CDIN1: variants seen among roughly 807,000 people sequenced by gnomAD.
The protein encoded by CDIN1 is CDAN1-interacting nuclease 1.
Under a neutral mutation model 45.3 loss-of-function variants are expected in CDIN1, and 33 were observed. The ratio of observed to expected loss-of-function variants is 0.73; its 90% confidence interval spans 0.55 to 0.97. The LOEUF is 0.97. Ranked by LOEUF, CDIN1 falls within the 50% of genes least tolerant of loss-of-function variation. CDIN1 has a pLI of 0.00. For synonymous variants in CDIN1, 118 were observed against 124.4 expected (o/e 0.95, Z 0.34); for missense variants, 303 against 339.4 (o/e 0.89, Z 0.84).
chr15:36,688,329 G>C (rs2042131594), intron 5 of CDIN1, among the ~76,000 whole-genome samples: 1 of 151,984 alleles, frequency 6.6e-6, no homozygotes, highest in Non-Finnish European at 1.5e-5. Context: ...AGTTAGGTCA[G>C]GGTGGTGAGT....
intron 1 of CDIN1, among the ~76,000 whole-genome samples, chr15:36,588,899 T>G (rs2037434168): frequency 6.6e-6 from 1 of 152,200 alleles, no homozygotes; most frequent in South Asian, 2.1e-4. Context: ...CAGATAATGT[T>G]ATTCTAAGAA....
At chr15:36,708,219 G>T (rs1050894271) in intron 8 of CDIN1, 1 of 152,102 alleles carries the variant, frequency 6.6e-6, no homozygotes, top group Non-Finnish European at 1.5e-5. Flanking sequence ...TTAATCAAAG[G>T]TGATGCAGGA....
intron 1 of CDIN1, among the ~76,000 whole-genome samples, chr15:36,583,604 T>C (rs2037147149): frequency 6.6e-6 from 1 of 152,230 alleles, no homozygotes; most frequent in Admixed American, 6.5e-5. Context: ...CTTTGGAGAC[T>C]GCAACTTTAA....
At chr15:36,685,633 T>C (rs1354592145) in intron 5 of CDIN1, among the ~76,000 whole-genome samples, 2 of 152,100 alleles carry the variant, frequency 1.3e-5, no homozygotes, top group African/African-American at 2.4e-5. Context: ...ACCTACAAAA[T>C]GGGAGAAAAT....
intron 8 of CDIN1, among the ~76,000 whole-genome samples, chr15:36,704,086 T>C (rs906314692): frequency 3.9e-5 from 6 of 152,202 alleles, no homozygotes; most frequent in African/African-American, 9.7e-5. Context: ...GTATAAAATA[T>C]AGGAGAATTT....
At chr15:36,747,160 C>T (rs1690566709) in intron 10 of CDIN1, 1 of 393,224 alleles carries the variant, frequency 2.5e-6, no homozygotes. Context: ...GCATGTGTTT[C>T]CTCATCTTAA....
intron 3 of CDIN1, among the ~76,000 whole-genome samples, chr15:36,645,774 A>G (rs2044230369): frequency 6.6e-6 from 1 of 152,180 alleles, no homozygotes. Context: ...AAATGAAAAA[A>G]GATGTATCAA....
At chr15:36,735,144 T>C (rs1037259481) in intron 10 of CDIN1, among the ~76,000 whole-genome samples, 10 of 152,190 alleles carry the variant, frequency 6.6e-5, no homozygotes, top group African/African-American at 2.4e-4. Context: ...GTAGGAAAAA[T>C]AATGCCTCTG....
At chr15:36,716,215 A>G (rs1014172614) in intron 10 of CDIN1, among the ~76,000 whole-genome samples, 4 of 152,174 alleles carry the variant, frequency 2.6e-5, no homozygotes, top group African/African-American at 9.6e-5. Flanking sequence ...AGTTTCACAA[A>G]TCCAGGGGAC....
chr15:36,659,966 CTTTTTTTTTTTT>C (rs778988517), intron 5 of CDIN1, among the ~76,000 whole-genome samples: 10 of 105,152 alleles, frequency 9.5e-5, no homozygotes, highest in African/African-American at 3.6e-4. Context: ...CCTTCCTTTT[CTTTTTTTTTTTT>C]TTTTTTCTTA....
intron 10 of CDIN1, among the ~76,000 whole-genome samples, chr15:36,741,077 T>C (rs1380201406): frequency 6.6e-6 from 1 of 152,144 alleles, no homozygotes; most frequent in African/African-American, 2.4e-5. Context: ...GCTGAGAATA[T>C]AGGTGTGGAC....
intron 10 of CDIN1, among the ~76,000 whole-genome samples, chr15:36,766,945 G>C (rs2053940223): frequency 6.6e-6 from 1 of 152,134 alleles, no homozygotes; most frequent in African/African-American, 2.4e-5. Context: ...GTTTGACGTA[G>C]TCTCAAGTGT....
chr15:36,788,094 ATATATATATATATTTTTTT>A (rs563195574), intron 10 of CDIN1, among the ~76,000 whole-genome samples: 595 of 37,466 alleles, frequency 0.016, 2 homozygotes, highest in African/African-American at 0.049. Context: ...ATATATATAT[ATATATATATATATTTTTTT>A]TTTTTTTTTT....
At chr15:36,620,832 G>A (rs1206018083) in intron 1 of CDIN1, among the ~76,000 whole-genome samples, 1 of 152,034 alleles carries the variant, frequency 6.6e-6, no homozygotes, top group South Asian at 2.1e-4. Flanking sequence ...TGTTTACAGT[G>A]TATTTATCAC....
Position 36,619,493 on chromosome 15 carries a change from A to G in CDIN1, c.102-24785A>G, listed in dbSNP as rs1331672939. ...TTTCTATCTATCTATCTATCTATCT[A>G]TCTATCTATCTATCTATCTATCTAT... On this transcript the variant is annotated intron_variant, in intron 1 of 10. Transcript: ENST00000566621. Among the ~76,000 whole-genome samples, 6 of 151,822 alleles carry G rather than the reference A, an allele frequency of 4.0e-5. 1 individual carries two copies. Among genetic ancestry groups the G allele is most frequent in the Admixed American group, 3.3e-4 (5 of 15,246 alleles).
At chr15:36,796,694 A>G (rs2054812079) in intron 10 of CDIN1, among the ~76,000 whole-genome samples, 1 of 152,192 alleles carries the variant, frequency 6.6e-6, no homozygotes, top group Non-Finnish European at 1.5e-5. Flanking sequence ...CCCTGTCGGG[A>G]ACCATCCTCT....
intron 8 of CDIN1, among the ~76,000 whole-genome samples, chr15:36,702,532 C>T (rs2042682411): frequency 6.6e-6 from 1 of 152,140 alleles, no homozygotes; most frequent in African/African-American, 2.4e-5. Flanking sequence ...CACCACTGCT[C>T]TTGGTAGTTA....
At position 36,637,418 on chromosome 15, in the gene CDIN1, A is replaced by G. The variant is rs76257957; in HGVS notation, c.102-6860A>G. ...CTTCATCAACTGAAAAAACTTTTGT[A>G]CTTCAAAAGGTACCACAAGGAAAAT... On this transcript the variant is annotated intron_variant, in intron 1 of 10. Transcript: ENST00000566621. Among the ~76,000 whole-genome samples, 877 of 152,352 alleles carry G rather than the reference A, an allele frequency of 5.8e-3. 3 individuals carry two copies. The highest frequency in any genetic ancestry group is 8.6e-3 in the Non-Finnish European group (588 of 68,026).
chr15:36,671,197 C>A (rs1203124680), intron 5 of CDIN1, among the ~76,000 whole-genome samples: 1 of 152,112 alleles, frequency 6.6e-6, no homozygotes, highest in African/African-American at 2.4e-5. Flanking sequence ...AGGGAAGAGG[C>A]CGTTCTGTCC....
Sources: allele counts gnomAD v4.1 joint callset (sites outside exome capture counted in the v4.1 genomes callset), GRCh38; gene constraint gnomAD v4.1.1; transcripts MANE v1.5; gene names NCBI Gene and HGNC (gene_info 2026-07-23, HGNC 2026-07-21).